Variants in GCFC2 observed in about 807,000 individuals in gnomAD.
GCFC2 encodes the protein intron Large complex component GCFC2.
In GCFC2, 102 loss-of-function variants were observed where a neutral mutation model predicts 99.4. The ratio of observed to expected loss-of-function variants is 1.03; its 90% CI spans 0.87 to 1.21. The LOEUF (loss-of-function observed/expected upper bound fraction) is 1.21. Among genes scored for constraint, GCFC2 ranks in the 50% most tolerant of loss-of-function variants. The pLI is 0.00. For missense variants in GCFC2, 973 were observed against 920.9 expected (o/e 1.06, Z -0.73); for synonymous variants, 338 against 316.8 (o/e 1.07, Z -0.71).
intron 15 of GCFC2, among the ~76,000 whole-genome samples, chr2:75,667,446 C>T (rs1049324596): frequency 6.6e-6 from 1 of 152,120 alleles, no homozygotes; most frequent in African/African-American, 2.4e-5. Flanking sequence ...TTCTGGAATG[C>T]GCTCTTTCTA....
chr2:75,700,950 T>C (rs141026889), intron 4 of GCFC2, among the ~76,000 whole-genome samples: 132 of 152,250 alleles, frequency 8.7e-4, no homozygotes, highest in Non-Finnish European at 1.6e-3. Flanking sequence ...AGGAGTTATG[T>C]AGTCACAAGC....
At chr2:75,710,953 G>A (rs960587178), upstream of GCFC2, 11 of 1,367,940 alleles carry the variant, frequency 8.0e-6, no homozygotes, top group African/African-American at 1.5e-5. Flanking sequence ...GCGCCTGGCC[G>A]CCGAGTGCGC....
At chr2:75,691,950 A>G in intron 7 of GCFC2, 27 bp downstream of exon 7, 1 of 1,287,688 alleles carries the variant, frequency 7.8e-7, no homozygotes, top group Non-Finnish European at 1.0e-6. Context: ...TGAATAATAA[A>G]TTGTATGGAA....
At chr2:75,711,739 A>C (rs1287469292), upstream of GCFC2, among the ~76,000 whole-genome samples, 1 of 152,186 alleles carries the variant, frequency 6.6e-6, no homozygotes, top group African/African-American at 2.4e-5. Context: ...CAGAGGGTGT[A>C]CTGGGTCCCC....
chr2:75,663,062 T>C lies in GCFC2; in HGVS notation c.*1604A>G, dbSNP rs1484958187. 1.3e-5 allele frequency: 2 copies of C among 152,186 alleles called. No homozygotes were observed. The highest frequency in any genetic ancestry group is 4.8e-5 in the African/African-American group (2 of 41,452). The allele number at this position is 152,186 out of a possible 1,614,324, so 9.4% of individuals were successfully genotyped here. ...ATGCTAACTGCTTTTCAACAATAGT[T>C]TGCATTTTCTAGATGAGATTCTATC... is the stretch of plus-strand genomic sequence containing the variant. On this transcript the variant is annotated 3_prime_UTR_variant, in exon 17 of 17. Coordinates refer to ENST00000321027, the MANE Select transcript of GCFC2 (RefSeq NM_003203.5).
At chr2:75,709,962 T>A (rs1681063715) in intron 1 of GCFC2, among the ~76,000 whole-genome samples, 1 of 152,254 alleles carries the variant, frequency 6.6e-6, no homozygotes, top group African/African-American at 2.4e-5. Context: ...AACTTTATGC[T>A]GCCTTACACC....
At chr2:75,671,519 TCTC>T (rs1679089192) in intron 14 of GCFC2, among the ~76,000 whole-genome samples, 1 of 152,162 alleles carries the variant, frequency 6.6e-6, no homozygotes, top group African/African-American at 2.4e-5. Flanking sequence ...TGAACCTTCT[TCTC>T]CTTCTCATCC....
At chr2:75,711,299 G>T, upstream of GCFC2, 1 of 697,272 alleles carries the variant, frequency 1.4e-6, no homozygotes, top group Non-Finnish European at 1.8e-6. Flanking sequence ...CGAAACCCCA[G>T]CAGTGTGAGG....
At position 75,680,191 on chromosome 2, in the gene GCFC2, A is replaced by G. The variant is rs1184338907; in HGVS notation, c.1812+2T>C. 6.3e-7 allele frequency: 1 copy of G among 1,596,888 alleles called. No individual in the cohort carries two copies. Among genetic ancestry groups the G allele is most frequent in the Non-Finnish European group, 8.6e-7 (1 of 1,165,358 alleles). ...GGAGTTCGCAACTCTAGAAATTATT[A>G]CCTGTCTGCTTTTACTAACTTCATT... On this transcript the variant is annotated splice_donor_variant, in intron 12 of 16. Coordinates refer to ENST00000321027, the MANE Select transcript of GCFC2 (RefSeq NM_003203.5). LOFTEE classifies it high-confidence loss of function.
chr2:75,663,341 G>A lies in GCFC2; in HGVS notation c.*1325C>T, dbSNP rs1678695873. 6.6e-6 allele frequency: 1 copy of A among 152,050 alleles called. No homozygotes were observed. Among genetic ancestry groups the A allele is most frequent in the Non-Finnish European group, 1.5e-5 (1 of 68,010 alleles). 9.4% of individuals were successfully genotyped at this position (152,050 alleles called of 1,614,324 possible). On this transcript the variant is annotated 3_prime_UTR_variant, in exon 17 of 17. Coordinates refer to ENST00000321027, the MANE Select transcript of GCFC2 (RefSeq NM_003203.5). ...TTAAGTTATTTAATAAGTAGACTTA[G>A]AAAAATTACTAGTAAACTAACATTT... is the stretch of plus-strand genomic sequence containing the variant.
intron 13 of GCFC2, among the ~76,000 whole-genome samples, chr2:75,673,117 T>A (rs531884630): frequency 6.6e-6 from 1 of 152,124 alleles, no homozygotes; most frequent in South Asian, 2.1e-4. Context: ...GAGACCATCC[T>A]GGCTAACATG....
chr2:75,668,146 C>G (rs1292153213), intron 15 of GCFC2, among the ~76,000 whole-genome samples: 1 of 152,090 alleles, frequency 6.6e-6, no homozygotes, highest in Non-Finnish European at 1.5e-5. Context: ...AAAGTCTGAT[C>G]AAATAATGAA....
intron 9 of GCFC2, among the ~76,000 whole-genome samples, chr2:75,689,647 C>T (rs1665422128): frequency 6.6e-6 from 1 of 151,898 alleles, no homozygotes. Context: ...AAAAGTTTCA[C>T]CAAATTCAAA....
intron 2 of GCFC2, among the ~76,000 whole-genome samples, chr2:75,705,425 C>A (rs1004886258): frequency 6.6e-6 from 1 of 151,560 alleles, no homozygotes. Flanking sequence ...AGATCGAGAC[C>A]ATCTTGGCTA....
intron 4 of GCFC2, among the ~76,000 whole-genome samples, chr2:75,700,084 A>G (rs1340346716): frequency 6.6e-6 from 1 of 151,822 alleles, no homozygotes; most frequent in Non-Finnish European, 1.5e-5. Flanking sequence ...TATTTTTTGT[A>G]GCGGCAGGGT....
At chr2:75,712,610 TC>T (rs1296040168), upstream of GCFC2, among the ~76,000 whole-genome samples, 3 of 152,116 alleles carry the variant, frequency 2.0e-5, no homozygotes, top group Admixed American at 2.0e-4. Context: ...CTTTGTTCTT[TC>T]GCTCTTTGCA....
rs1312826394 is a variant in GCFC2 at position 75,694,428 on chromosome 2, C to G, written c.834-1G>C. The G allele has an allele frequency of 8.0e-7, 1 of 1,251,614 alleles. No homozygotes were observed. Among genetic ancestry groups the G allele is most frequent in the Non-Finnish European group, 1.1e-6 (1 of 930,960 alleles). The allele number at this position is 1,251,614 out of a possible 1,614,324, so 77.5% of individuals were successfully genotyped here. On this transcript the variant is annotated splice_acceptor_variant, in intron 5 of 16. Transcript: ENST00000321027. LOFTEE classifies it high-confidence loss of function. ...GTGAGTTTCCTGTAGTAATGTTAATCTAAATAAATAAAATAAAAATTAGTT... is the reference window on the plus strand; with the variant it reads ...GTGAGTTTCCTGTAGTAATGTTAATGTAAATAAATAAAATAAAAATTAGTT...
chr2:75,710,842 G>T lies in GCFC2; in HGVS notation c.14C>A (p.Pro5Gln), dbSNP rs376090595. The change falls in exon 1 of 17, where the codon CCG (proline) becomes CAG (glutamine). Residue 5 changes from proline (P) to glutamine (Q), a missense_variant. By Grantham distance (76) the Pro-to-Gln change is moderately conservative. Coordinates refer to ENST00000321027, the MANE Select transcript of GCFC2 (RefSeq NM_003203.5). MAHRPKRTFRQRAAD... is the reference protein window; with the variant it reads MAHRQKRTFRQRAAD... ...CGCGCGCTGCCGAAAAGTCCTTTTCGGCCTGTGAGCCATGGCCGAGGCCCG... is the reference window on the plus strand; with the variant it reads ...CGCGCGCTGCCGAAAAGTCCTTTTCTGCCTGTGAGCCATGGCCGAGGCCCG... 7.1e-5 allele frequency: 112 copies of T among 1,574,678 alleles called. No homozygotes were observed. In the African/African-American group the frequency reaches 1.5e-3, roughly 21 times the overall value.
At chr2:75,684,407 A>G (rs958010798) in intron 11 of GCFC2, among the ~76,000 whole-genome samples, 1 of 152,224 alleles carries the variant, frequency 6.6e-6, no homozygotes, top group African/African-American at 2.4e-5. Context: ...TGGAGGCAGA[A>G]GTAAAGATGT....
Sources: gnomAD v4.1 joint callset for allele counts (sites outside exome capture counted in the v4.1 genomes callset) on GRCh38, gnomAD v4.1.1 for gene constraint, MANE v1.5 for transcripts, NCBI Gene and HGNC (gene_info 2026-07-23, HGNC 2026-07-21) for gene names.